The following MAGI3 variants were observed in gnomAD, a reference collection of about 807,000 sequenced individuals.
The protein encoded by MAGI3 is membrane-associated guanylate kinase, WW and PDZ domain-containing protein 3.
A neutral mutation model predicts 121.8 loss-of-function variants in MAGI3; 43 were observed. That is an observed-to-expected ratio of 0.35 (90% confidence interval 0.28 to 0.46). The LOEUF is 0.46. Ranked by LOEUF, MAGI3 falls within the 20% of genes least tolerant of loss-of-function variation. The pLI is 1.00. For missense variants in MAGI3, 1,547 were observed against 1,797.3 expected (o/e 0.86, Z 2.52); for synonymous variants, 553 against 639.3 (o/e 0.86, Z 2.04).
intron 1 of MAGI3, among the ~76,000 whole-genome samples, chr1:113,537,822 T>A (rs1227581697): frequency 6.6e-6 from 1 of 152,236 alleles, no homozygotes; most frequent in Non-Finnish European, 1.5e-5. Flanking sequence ...ACTCTTCCAG[T>A]TCTTGAACAG....
At chr1:113,646,733 A>G (rs1652873927) in intron 12 of MAGI3, 91 bp downstream of exon 12, 1 of 1,030,128 alleles carries the variant, frequency 9.7e-7, no homozygotes, top group African/African-American at 1.6e-5. Context: ...TCAGAAGCAT[A>G]TTGAAAAGTT....
rs765801135 is a variant in MAGI3 at position 113,653,850 on chromosome 1, A to C, written c.2461A>C (p.Ser821Arg). 1.9e-6 allele frequency: 3 copies of C among 1,603,270 alleles called. No individual in the cohort carries two copies. Among genetic ancestry groups the C allele is most frequent in the Non-Finnish European group, 2.6e-6 (3 of 1,176,366 alleles). The stretch of plus-strand genomic sequence containing the variant: ...TACAGAAAAACAACCCGAGGACGAC[A>C]GCTCTCAGGCCTTCATTTCAACACA... ...FYGEKQPEDD[S>R]SQAFISTQNG... The change falls in exon 15 of 21, where the codon AGC becomes CGC. Residue 821 changes from serine to arginine, a missense_variant. By Grantham distance (110) the Ser-to-Arg change is moderately radical. Coordinates refer to ENST00000307546, the MANE Select transcript of MAGI3 (RefSeq NM_001142782.2).
intron 1 of MAGI3, among the ~76,000 whole-genome samples, chr1:113,423,486 T>C (rs1388256959): frequency 1.3e-5 from 2 of 152,056 alleles, no homozygotes; most frequent in Non-Finnish European, 2.9e-5. Context: ...TTAGCCAGGG[T>C]AGTCTTGATC....
intron 5 of MAGI3, among the ~76,000 whole-genome samples, chr1:113,591,533 G>A (rs1042878921): frequency 7.2e-5 from 11 of 152,074 alleles, no homozygotes; most frequent in South Asian, 2.1e-4. Flanking sequence ...AAGAGTGAGC[G>A]TCTTGCTATA....
rs145442738 is a variant in MAGI3 at position 113,622,884 on chromosome 1, C to T, written c.1250C>T (p.Thr417Ile). ...VLVRASLKKS[T>I]MGFGFTIIGG... ...GTTCGAGCATCACTGAAAAAAAGCA[C>T]AATGGGATTTGGTTTTACTATTATT... is the stretch of plus-strand genomic sequence containing the variant. Residue 417 changes from threonine to isoleucine, a missense_variant, in exon 9 of 21, where the codon ACA becomes ATA. By Grantham distance (89) the Thr-to-Ile change is moderately conservative. Transcript: ENST00000307546. 183 of 1,603,518 alleles carry T rather than the reference C, an allele frequency of 1.1e-4. No homozygotes were observed. Among genetic ancestry groups the T allele is most frequent in the Non-Finnish European group, 1.4e-4 (168 of 1,176,234 alleles).
intron 1 of MAGI3, among the ~76,000 whole-genome samples, chr1:113,423,205 C>T (rs908029451): frequency 1.4e-5 from 2 of 144,356 alleles, no homozygotes; most frequent in African/African-American, 2.6e-5. Context: ...ACCCAAAGCG[C>T]GTAGTTCCTA....
chr1:113,463,634 G>A (rs781584222), intron 1 of MAGI3, among the ~76,000 whole-genome samples: 4 of 152,050 alleles, frequency 2.6e-5, no homozygotes, highest in Non-Finnish European at 4.4e-5. Flanking sequence ...GTAGAGATAA[G>A]CAATAGAGGC....
chr1:113,602,423 A>G (rs953425663), intron 6 of MAGI3, among the ~76,000 whole-genome samples: 1 of 152,194 alleles, frequency 6.6e-6, no homozygotes, highest in Non-Finnish European at 1.5e-5. Context: ...ATGAATGATA[A>G]TAGTGACATA....
chr1:113,658,962 T>C lies in MAGI3; in HGVS notation c.2630-118T>C. ...GATGATGACGTGTGGTACTTTTCTG[T>C]TATGTTTTTAAATAATTTTCTTTGA... On this transcript the variant is annotated intron_variant, in intron 15 of 20. Coordinates refer to ENST00000307546, the MANE Select transcript of MAGI3 (RefSeq NM_001142782.2). The surrounding 1 kb of genome is among the most constrained non-coding windows in gnomAD (Gnocchi z 4.0). 1 of 869,872 alleles carries C rather than the reference T, an allele frequency of 1.1e-6. No homozygotes were observed. Among genetic ancestry groups the C allele is most frequent in the African/African-American group, 1.7e-5 (1 of 59,374 alleles). 53.9% of individuals were successfully genotyped at this position (869,872 alleles called of 1,614,324 possible).
intron 4 of MAGI3, among the ~76,000 whole-genome samples, chr1:113,585,838 A>G (rs1005735005): frequency 6.6e-6 from 1 of 152,184 alleles, no homozygotes; most frequent in Admixed American, 6.5e-5. Context: ...AATATATGCC[A>G]TTACCCTGCT....
chr1:113,475,599 A>G (rs190362882), intron 1 of MAGI3, among the ~76,000 whole-genome samples: 1 of 152,258 alleles, frequency 6.6e-6, no homozygotes, highest in East Asian at 1.9e-4. Flanking sequence ...ATCGTTGTGG[A>G]TAAGCTTTTT....
intron 9 of MAGI3, among the ~76,000 whole-genome samples, chr1:113,630,611 T>G (rs1651564547): frequency 6.6e-6 from 1 of 152,204 alleles, no homozygotes; most frequent in Admixed American, 6.5e-5. Context: ...CGTGGTGTAT[T>G]TATTACCTGG....
At chr1:113,523,374 T>C (rs2101629756) in intron 1 of MAGI3, among the ~76,000 whole-genome samples, 1 of 152,254 alleles carries the variant, frequency 6.6e-6, no homozygotes, top group Non-Finnish European at 1.5e-5. Context: ...TTTGGAGAGC[T>C]CAGAAGAAGA....
intron 1 of MAGI3, among the ~76,000 whole-genome samples, chr1:113,456,301 C>T (rs1210010826): frequency 1.3e-5 from 2 of 151,124 alleles, no homozygotes; most frequent in Non-Finnish European, 3.0e-5. Context: ...AGAAACCCAT[C>T]CTCTCTCTCT....
In MAGI3 at chr1:113,585,572, G is replaced by A. The variant is rs766532680; in HGVS notation, c.739G>A (p.Ala247Thr). 10 of 1,613,704 alleles carry A rather than the reference G, an allele frequency of 6.2e-6. No individual in the cohort carries two copies. The highest frequency in any genetic ancestry group is 8.5e-6 in the Non-Finnish European group (10 of 1,179,822). ...AGAGGAAGAAGATGAGGACAAGGAAGCTATTAATGGCAGTGGAAACGCAGG... is the reference window on the plus strand; with the variant it reads ...AGAGGAAGAAGATGAGGACAAGGAAACTATTAATGGCAGTGGAAACGCAGG... ...PEEEEDEDKE[A>T]INGSGNAENR... Residue 247 changes from alanine to threonine, a missense_variant, in exon 4 of 21, where the codon GCT (alanine) becomes ACT (threonine). Transcript: ENST00000307546.
intron 8 of MAGI3, among the ~76,000 whole-genome samples, chr1:113,622,139 G>A (rs1650862939): frequency 6.6e-6 from 1 of 152,124 alleles, no homozygotes; most frequent in Admixed American, 6.6e-5. Flanking sequence ...GATAATGGCA[G>A]AACATTTAAA....
chr1:113,552,799 T>C (rs1443993867), intron 2 of MAGI3, among the ~76,000 whole-genome samples: 1 of 152,200 alleles, frequency 6.6e-6, no homozygotes. Flanking sequence ...TCTAGGAACC[T>C]AGACGCAATG....
intron 1 of MAGI3, among the ~76,000 whole-genome samples, chr1:113,539,697 G>A (rs192292570): frequency 1.2e-3 from 185 of 151,516 alleles, no homozygotes; most frequent in African/African-American, 4.2e-3. Flanking sequence ...GTTTAATTTG[G>A]ATTCATACCA....
chr1:113,401,064 A>T (rs1358251871), intron 1 of MAGI3, among the ~76,000 whole-genome samples: 3 of 152,218 alleles, frequency 2.0e-5, no homozygotes, highest in Middle Eastern at 3.4e-3. Context: ...TCTTATAAAG[A>T]ACTTTATATA....
Sources: allele counts gnomAD v4.1 joint callset (sites outside exome capture counted in the v4.1 genomes callset), GRCh38; gene constraint gnomAD v4.1.1; non-coding constraint Gnocchi (gnomAD v3.1); transcripts MANE v1.5; gene names NCBI Gene and HGNC (gene_info 2026-07-23, HGNC 2026-07-21).